Variants in NUMB observed in about 807,000 individuals in gnomAD.
NUMB encodes protein numb homolog.
In NUMB, 29 loss-of-function variants were observed where a neutral mutation model predicts 59.7. The ratio of observed to expected loss-of-function variants is 0.49; its 90% confidence interval spans 0.36 to 0.66. NUMB has a LOEUF of 0.66. Ranked by LOEUF, NUMB falls within the 30% of genes least tolerant of loss-of-function variation. NUMB has a pLI of 0.00. For synonymous variants in NUMB, 288 were observed against 288.2 expected, an observed-to-expected ratio of 1.00 and a Z score of 0.01; for missense variants, 723 against 822.0, an observed-to-expected ratio of 0.88 and a Z score of 1.47.
chr14:73,346,292 C>G (rs1477563313), intron 4 of NUMB, among the ~76,000 whole-genome samples: 1 of 151,976 alleles, frequency 6.6e-6, no homozygotes, highest in Non-Finnish European at 1.5e-5. Flanking sequence ...CCAGCTTGAC[C>G]AACATGGAGA....
Position 73,277,253 on chromosome 14 carries a change from A to T in NUMB, c.1281T>A (p.Gly427=), listed in dbSNP as rs768855332. The part of the protein sequence containing the change: ...WGQSSGAASP[G]LFQAGHRRTP... ...TACGTCTATGACCGGCCTGGAAGAG[A>T]CCTGGAGAGGCAGCACCAGAAGATT... Residue 427 remains glycine (G), a synonymous_variant, in exon 13 of 13, where the codon GGT becomes GGA. Transcript: ENST00000555238. The T allele has an allele frequency of 2.5e-6, 4 of 1,606,772 alleles. No homozygotes were observed. Among genetic ancestry groups the T allele is most frequent in the Non-Finnish European group, 3.4e-6 (4 of 1,174,088 alleles).
At chr14:73,434,359 A>C (rs1897960114) in intron 1 of NUMB, among the ~76,000 whole-genome samples, 1 of 152,214 alleles carries the variant, frequency 6.6e-6, no homozygotes, top group African/African-American at 2.4e-5. Context: ...AGGAGTTATC[A>C]TGAGGATTAA....
intron 2 of NUMB, among the ~76,000 whole-genome samples, chr14:73,388,516 T>C (rs1895669660): frequency 6.6e-6 from 1 of 152,252 alleles, no homozygotes; most frequent in Non-Finnish European, 1.5e-5. Context: ...TATCTTTTTT[T>C]TTCAGCTAGG....
At chr14:73,327,200 C>A (rs1891708040) in intron 4 of NUMB, among the ~76,000 whole-genome samples, 2 of 152,088 alleles carry the variant, frequency 1.3e-5, no homozygotes, top group Admixed American at 1.3e-4. Context: ...AAAATAAGTT[C>A]ATCATTATTC....
At chr14:73,288,904 G>A (rs1889201148) in intron 8 of NUMB, among the ~76,000 whole-genome samples, 1 of 151,886 alleles carries the variant, frequency 6.6e-6, no homozygotes, top group Non-Finnish European at 1.5e-5. Flanking sequence ...AAAATTAGTC[G>A]AGTGTGGTGG....
At chr14:73,384,107 G>A (rs1422051956) in intron 2 of NUMB, among the ~76,000 whole-genome samples, 1 of 151,370 alleles carries the variant, frequency 6.6e-6, no homozygotes, top group Non-Finnish European at 1.5e-5. Context: ...CTGCCAACCT[G>A]GAATTCTATG....
intron 4 of NUMB, among the ~76,000 whole-genome samples, chr14:73,350,535 A>G (rs1462695688): frequency 6.7e-6 from 1 of 149,982 alleles, no homozygotes; most frequent in Non-Finnish European, 1.5e-5. Context: ...AATTTCTATT[A>G]CCTTTACCTA....
chr14:73,430,664 A>C (rs1472161868), intron 1 of NUMB, among the ~76,000 whole-genome samples: 1 of 151,792 alleles, frequency 6.6e-6, no homozygotes, highest in Non-Finnish European at 1.5e-5. Flanking sequence ...TTTTTGGGCC[A>C]GGCGTGGTGG....
chr14:73,447,437 G>A (rs912279801), intron 1 of NUMB, among the ~76,000 whole-genome samples: 1 of 151,952 alleles, frequency 6.6e-6, no homozygotes, highest in Non-Finnish European at 1.5e-5. Context: ...GCCATGAGCC[G>A]AGATCACGCC....
intron 6 of NUMB, among the ~76,000 whole-genome samples, chr14:73,309,640 G>A (rs1452790095): frequency 6.6e-6 from 1 of 151,460 alleles, no homozygotes; most frequent in Non-Finnish European, 1.5e-5. Flanking sequence ...AGGTTGATGG[G>A]TGCAGCAAAC....
Position 73,282,471 on chromosome 14 carries a change from G to A in NUMB, c.984C>T (p.Ser328=), listed in dbSNP as rs1269603048. ...CATTGGTGATCTGTGAGCACAGGGAGCTGATGCTCTCTGCCTCCCCTTCTA... is the reference window on the plus strand; with the variant it reads ...CATTGGTGATCTGTGAGCACAGGGAACTGATGCTCTCTGCCTCCCCTTCTA... The part of the protein sequence containing the change: ...PEVEGEAESI[S]SLCSQITNAF... Residue 328 remains serine, a synonymous_variant, in exon 11 of 13, where the codon AGC becomes AGT. Coordinates refer to ENST00000555238, the MANE Select transcript of NUMB (RefSeq NM_001005743.2). The A allele has an allele frequency of 1.2e-6, 2 of 1,614,118 alleles. No individual in the cohort carries two copies. Among genetic ancestry groups the A allele is most frequent in the Non-Finnish European group, 8.5e-7 (1 of 1,179,990 alleles).
In NUMB at chr14:73,400,461, A is replaced by G. The variant is rs549209563; in HGVS notation, c.-101+9476T>C. Among the ~76,000 whole-genome samples, 55 of 152,352 alleles carry G rather than the reference A, an allele frequency of 3.6e-4. No homozygotes were observed. In the South Asian group the frequency reaches 0.01, roughly 29 times the overall value. ...ATGTGTCAATGTGGGTTTATCGATT[A>G]TAACAAATTATGAAACATATAATTG... On this transcript the variant is annotated intron_variant, in intron 2 of 12. Transcript: ENST00000555238.
intron 3 of NUMB, among the ~76,000 whole-genome samples, chr14:73,362,638 G>A (rs760978703): frequency 2.0e-5 from 3 of 151,838 alleles, no homozygotes; most frequent in Non-Finnish European, 2.9e-5. Context: ...TTTGCCACAC[G>A]TTACCCAAGC....
At chr14:73,329,574 C>T (rs982290328) in intron 4 of NUMB, among the ~76,000 whole-genome samples, 5 of 152,092 alleles carry the variant, frequency 3.3e-5, no homozygotes, top group Non-Finnish European at 5.9e-5. Context: ...TGAGTGTATA[C>T]GCAAAGTGTT....
chr14:73,431,557 G>A (rs1008279823), intron 1 of NUMB, among the ~76,000 whole-genome samples: 3 of 150,952 alleles, frequency 2.0e-5, no homozygotes, highest in Non-Finnish European at 4.4e-5. Context: ...GATCAGCCTG[G>A]CCAACATGGT....
chr14:73,327,197 G>A (rs1891707755), intron 4 of NUMB, among the ~76,000 whole-genome samples: 1 of 152,076 alleles, frequency 6.6e-6, no homozygotes, highest in Non-Finnish European at 1.5e-5. Flanking sequence ...TCTAAAATAA[G>A]TTCATCATTA....
At position 73,355,700 on chromosome 14, in the gene NUMB, C is replaced by G; in HGVS notation, c.52G>C (p.Glu18Gln). 1.2e-6 allele frequency: 2 copies of G among 1,613,750 alleles called. No individual in the cohort carries two copies. Among genetic ancestry groups the G allele is most frequent in the Non-Finnish European group, 1.7e-6 (2 of 1,179,746 alleles). Reference protein sequence around the residue: ...FRRKKDVYVPEASRPHQWQTD... With the variant: ...FRRKKDVYVPQASRPHQWQTD... The stretch of plus-strand genomic sequence containing the variant: ...TGCCACTGATGTGGACGACTGGCCT[C>G]TGGAACATAAACATCCTTCTTTCTC... Residue 18 changes from glutamate (E) to glutamine (Q), a missense_variant, in exon 4 of 13, where the codon GAG (glutamate) becomes CAG (glutamine). Coordinates refer to ENST00000555238, the MANE Select transcript of NUMB (RefSeq NM_001005743.2).
rs1249171271 is a variant in NUMB at position 73,277,304 on chromosome 14, C to T, written c.1241-11G>A. The T allele has an allele frequency of 6.3e-7, 1 of 1,577,286 alleles. No individual in the cohort carries two copies. Among genetic ancestry groups the T allele is most frequent in the African/African-American group, 1.4e-5 (1 of 73,910 alleles). On this transcript the variant is annotated splice_polypyrimidine_tract_variant and intron_variant, in intron 12 of 12. Transcript: ENST00000555238. ...GACCCCACTCGGTCCCTGGAACCAACAAGATGAGAGACAAAAGAATCAGTT... is the reference window on the plus strand; with the variant it reads ...GACCCCACTCGGTCCCTGGAACCAATAAGATGAGAGACAAAAGAATCAGTT...
intron 4 of NUMB, among the ~76,000 whole-genome samples, chr14:73,353,041 A>G (rs1183252494): frequency 6.9e-6 from 1 of 144,408 alleles, no homozygotes; most frequent in African/African-American, 2.5e-5. Context: ...ACTGCAAAGA[A>G]TTCAACTTAA....
Sources: allele counts gnomAD v4.1 joint callset (sites outside exome capture counted in the v4.1 genomes callset), GRCh38; gene constraint gnomAD v4.1.1; transcripts MANE v1.5; gene names NCBI Gene and HGNC (gene_info 2026-07-23, HGNC 2026-07-21).